Variants in CSTPP1 observed in about 807,000 individuals in gnomAD.
CSTPP1 encodes centriolar satellite-associated tubulin polyglutamylase complex regulator 1, also known as UPF0705 protein C11orf49.
At chr11:46,981,046 C>T in the CSTPP1 span, among the ~76,000 whole-genome samples, 1 of 152,036 alleles carries the variant, frequency 6.6e-6, no homozygotes, top group Non-Finnish European at 1.5e-5. Flanking sequence ...CTATGAAATG[C>T]CAATTCCATC....
chr11:47,139,409 C>T, the CSTPP1 span, among the ~76,000 whole-genome samples: 1 of 152,178 alleles, frequency 6.6e-6, no homozygotes, highest in Non-Finnish European at 1.5e-5. Context: ...CGTGGTAGCT[C>T]ATGCCTGTAA....
the CSTPP1 span, among the ~76,000 whole-genome samples, chr11:46,975,794 A>G: frequency 6.6e-6 from 1 of 152,254 alleles, no homozygotes; most frequent in East Asian, 1.9e-4. Context: ...AAGTCTTTCA[A>G]CTTCTTAAGT....
At chr11:47,123,098 G>C in the CSTPP1 span, 3 of 152,136 alleles carry the variant, frequency 2.0e-5, no homozygotes, top group African/African-American at 7.2e-5. Flanking sequence ...ATGAGGTCAT[G>C]TACTTTGTTT....
At chr11:47,016,944 G>A in the CSTPP1 span, among the ~76,000 whole-genome samples, 21 of 141,172 alleles carry the variant, frequency 1.5e-4, no homozygotes, top group South Asian at 6.7e-4. Flanking sequence ...CCAGGTTCAC[G>A]CCATTCTCCT....
At chr11:46,992,944 A>G in the CSTPP1 span, among the ~76,000 whole-genome samples, 1 of 148,116 alleles carries the variant, frequency 6.8e-6, no homozygotes, top group East Asian at 1.9e-4. Flanking sequence ...CTGGTGTGAA[A>G]TGGTATCTCA....
At chr11:46,992,234 T>A in the CSTPP1 span, among the ~76,000 whole-genome samples, 13 of 151,930 alleles carry the variant, frequency 8.6e-5, no homozygotes, top group East Asian at 5.8e-4. Context: ...TTATTTTTTT[T>A]ATTTATTATT....
the CSTPP1 span, chr11:47,137,709 G>C: frequency 3.1e-6 from 5 of 1,614,084 alleles, no homozygotes; most frequent in Non-Finnish European, 4.2e-6. Context: ...TCCCGCTGGA[G>C]CTCACTCAGA....
At chr11:47,048,887 G>T in the CSTPP1 span, among the ~76,000 whole-genome samples, 1 of 152,182 alleles carries the variant, frequency 6.6e-6, no homozygotes, top group South Asian at 2.1e-4. Flanking sequence ...ATAGATTCTA[G>T]TCACATTCTA....
At chr11:46,992,924 A>G in the CSTPP1 span, among the ~76,000 whole-genome samples, 1 of 151,898 alleles carries the variant, frequency 6.6e-6, no homozygotes, top group African/African-American at 2.4e-5. Flanking sequence ...TTTAATGATC[A>G]CCATTCTAAC....
At chr11:47,011,831 A>C in the CSTPP1 span, among the ~76,000 whole-genome samples, 1 of 152,222 alleles carries the variant, frequency 6.6e-6, no homozygotes, top group African/African-American at 2.4e-5. Flanking sequence ...TTTTTCAGTA[A>C]TAAAAGTTGG....
chr11:47,089,246 TA>T, the CSTPP1 span, among the ~76,000 whole-genome samples: 107 of 152,260 alleles, frequency 7.0e-4, no homozygotes, highest in African/African-American at 2.4e-3. Context: ...ATGTTGACAG[TA>T]AAAATTTAGA....
At chr11:47,004,134 T>G in the CSTPP1 span, among the ~76,000 whole-genome samples, 14 of 151,882 alleles carry the variant, frequency 9.2e-5, no homozygotes, top group Non-Finnish European at 1.9e-4. Flanking sequence ...TCTTTTGTTT[T>G]TTGTTGTTGT....
chr11:47,039,121 A>C, the CSTPP1 span, among the ~76,000 whole-genome samples: 1 of 127,512 alleles, frequency 7.8e-6, no homozygotes, highest in African/African-American at 2.5e-5. Flanking sequence ...CAGAGGCTGC[A>C]ATCTCGGCAC....
At chr11:47,163,665 CAG>C in the CSTPP1 span, among the ~76,000 whole-genome samples, 2 of 152,078 alleles carry the variant, frequency 1.3e-5, no homozygotes, top group Admixed American at 6.6e-5. Context: ...TTTTTTGAGA[CAG>C]GGTCTCACTT....
At chr11:46,936,746 A>C in the CSTPP1 span, 1 of 1,599,842 alleles carries the variant, frequency 6.3e-7, no homozygotes, top group Non-Finnish European at 8.5e-7. Flanking sequence ...ACGGAGAGAG[A>C]CGGCAACCTG....
the CSTPP1 span, among the ~76,000 whole-genome samples, chr11:47,090,649 C>A: frequency 6.6e-6 from 1 of 152,140 alleles, no homozygotes; most frequent in Non-Finnish European, 1.5e-5. Context: ...GAGCATTTAC[C>A]ATGTGCCAGG....
At chr11:47,101,260 A>G in the CSTPP1 span, among the ~76,000 whole-genome samples, 1 of 140,772 alleles carries the variant, frequency 7.1e-6, no homozygotes. Flanking sequence ...AACTCAGGTG[A>G]TCCGCCCACC....
the CSTPP1 span, among the ~76,000 whole-genome samples, chr11:46,978,748 A>T: frequency 6.6e-6 from 1 of 152,164 alleles, no homozygotes; most frequent in African/African-American, 2.4e-5. Flanking sequence ...CTTAGTGGGG[A>T]TTTCACATGT....
At chr11:47,047,473 A>G in the CSTPP1 span, among the ~76,000 whole-genome samples, 5 of 152,216 alleles carry the variant, frequency 3.3e-5, no homozygotes, top group Non-Finnish European at 5.9e-5. Flanking sequence ...CAAAGGTGCA[A>G]TTCAATAGGG....
Sources: allele counts gnomAD v4.1 joint callset (sites outside exome capture counted in the v4.1 genomes callset), GRCh38; gene constraint gnomAD v4.1.1; transcripts MANE v1.5; gene names NCBI Gene and HGNC (gene_info 2026-07-23, HGNC 2026-07-21).